ASIC2: variants seen among roughly 807,000 people sequenced by gnomAD.
The protein encoded by ASIC2 is acid-sensing ion channel 2.
ASIC2 carries 25 observed loss-of-function variants against 57.3 expected under a neutral mutation model. The ratio of observed to expected loss-of-function variants is 0.44; its 90% CI spans 0.32 to 0.61. ASIC2 has a LOEUF of 0.61. Ranked by LOEUF, ASIC2 falls within the 20% of genes least tolerant of loss-of-function variation. ASIC2 has a pLI of 0.06. For missense variants in ASIC2, 641 were observed against 738.1 expected, an observed-to-expected ratio of 0.87 and a Z score of 1.52; for synonymous variants, 319 against 307.5, an observed-to-expected ratio of 1.04 and a Z score of -0.39.
At chr17:33,810,863 G>T (rs146688780) in intron 1 of ASIC2, among the ~76,000 whole-genome samples, 43 of 108,090 alleles carry the variant, frequency 4.0e-4, no homozygotes, top group African/African-American at 1.7e-3. Flanking sequence ...AACGAACTAT[G>T]CACACACACA....
intron 1 of ASIC2, among the ~76,000 whole-genome samples, chr17:33,218,326 T>G (rs146505114): frequency 5.3e-5 from 8 of 152,280 alleles, no homozygotes; most frequent in Admixed American, 2.0e-4. Flanking sequence ...GGGCTCGACA[T>G]GTGCTCTCTC....
chr17:33,111,710 T>C (rs1279576292), intron 2 of ASIC2: 4 of 584,844 alleles, frequency 6.8e-6, no homozygotes, highest in Non-Finnish European at 1.1e-5. Flanking sequence ...TCCCATCCTC[T>C]GTCCCTCTCT....
chr17:33,944,111 T>C (rs1277348253), intron 1 of ASIC2, among the ~76,000 whole-genome samples: 2 of 152,228 alleles, frequency 1.3e-5, no homozygotes, highest in Admixed American at 6.5e-5. Context: ...TCACAAGTTC[T>C]GTCTGAAAAC....
chr17:33,979,370 C>T (rs1320531018), intron 1 of ASIC2, among the ~76,000 whole-genome samples: 1 of 152,092 alleles, frequency 6.6e-6, no homozygotes, highest in Non-Finnish European at 1.5e-5. Context: ...GGAGTGAGGC[C>T]GTCAGAAACC....
At chr17:33,462,568 CTGCCGTATGTGGG>C (rs1253624456) in intron 1 of ASIC2, among the ~76,000 whole-genome samples, 2 of 152,248 alleles carry the variant, frequency 1.3e-5, no homozygotes, top group Non-Finnish European at 2.9e-5. Flanking sequence ...CTCACTGCAG[CTGCCGTATGTGGG>C]TGCCACTTTG....
chr17:33,034,617 T>C (rs1598245050), intron 3 of ASIC2, among the ~76,000 whole-genome samples: 1 of 152,226 alleles, frequency 6.6e-6, no homozygotes, highest in Non-Finnish European at 1.5e-5. Context: ...TTGATAAGTG[T>C]TTTCTTCCAG....
intron 1 of ASIC2, among the ~76,000 whole-genome samples, chr17:33,914,396 T>C (rs919589497): frequency 1.3e-5 from 2 of 152,154 alleles, no homozygotes; most frequent in African/African-American, 4.8e-5. Context: ...TGGATGCTGA[T>C]GGTCTGTGGT....
At chr17:33,416,330 C>T (rs1910839495) in intron 1 of ASIC2, among the ~76,000 whole-genome samples, 1 of 152,238 alleles carries the variant, frequency 6.6e-6, no homozygotes, top group East Asian at 1.9e-4. Context: ...TTGCACCATT[C>T]ATCATGGCAG....
chr17:33,211,517 A>G (rs2142088347), intron 1 of ASIC2, among the ~76,000 whole-genome samples: 1 of 150,064 alleles, frequency 6.7e-6, no homozygotes, highest in East Asian at 1.9e-4. Context: ...GATAGGATAA[A>G]GTAAACATCT....
At chr17:33,493,519 GCTTT>G (rs1913826584) in intron 1 of ASIC2, among the ~76,000 whole-genome samples, 1 of 152,014 alleles carries the variant, frequency 6.6e-6, no homozygotes, top group Non-Finnish European at 1.5e-5. Flanking sequence ...AATTTCCCTT[GCTTT>G]CTTTCTCTCA....
At chr17:33,781,859 C>T (rs1223825524) in intron 1 of ASIC2, among the ~76,000 whole-genome samples, 2 of 152,172 alleles carry the variant, frequency 1.3e-5, no homozygotes, top group Non-Finnish European at 2.9e-5. Context: ...ACACCCTGTT[C>T]GTCAGAAATT....
intron 1 of ASIC2, among the ~76,000 whole-genome samples, chr17:33,622,162 A>G (rs184371400): frequency 4.6e-5 from 7 of 152,098 alleles, no homozygotes; most frequent in Admixed American, 3.3e-4. Flanking sequence ...CAAGCAGAGG[A>G]CAATTTTAAC....
chr17:33,317,147 C>T (rs1365604911), intron 1 of ASIC2, among the ~76,000 whole-genome samples: 3 of 152,216 alleles, frequency 2.0e-5, no homozygotes, highest in Non-Finnish European at 4.4e-5. Flanking sequence ...TAATCAAGTC[C>T]TCAAGAAGTT....
chr17:34,047,408 C>G lies in ASIC2; in HGVS notation c.555+108570G>C, dbSNP rs868322201. On this transcript the variant is annotated intron_variant, in intron 1 of 9. Coordinates refer to the ASIC2 transcript ENST00000359872. ...AAACCCCCTTTCATATTTTAACCTCCCAGCCCTTCATCCCTACTTCTAGCC... is the reference window on the plus strand; with the variant it reads ...AAACCCCCTTTCATATTTTAACCTCGCAGCCCTTCATCCCTACTTCTAGCC... Among the ~76,000 whole-genome samples the G allele has an allele frequency of 1.1e-4, 17 of 151,530 alleles. 1 individual carries two copies. The highest frequency in any genetic ancestry group is 3.4e-3 in the Middle Eastern group (1 of 294).
intron 1 of ASIC2, chr17:34,004,122 A>G (rs779483079): frequency 2.0e-5 from 3 of 152,148 alleles, no homozygotes; most frequent in African/African-American, 7.2e-5. Flanking sequence ...TGAGTACTTT[A>G]TCTCTTATCC....
intron 1 of ASIC2, among the ~76,000 whole-genome samples, chr17:33,771,811 C>T (rs1236570644): frequency 6.6e-6 from 1 of 152,178 alleles, no homozygotes; most frequent in African/African-American, 2.4e-5. Context: ...ATGTAGGGAT[C>T]AAATCGTGGT....
chr17:33,137,703 T>A (rs2092371762), intron 1 of ASIC2, among the ~76,000 whole-genome samples: 1 of 152,216 alleles, frequency 6.6e-6, no homozygotes, highest in Non-Finnish European at 1.5e-5. Flanking sequence ...TGGCAGATGT[T>A]CTTGGGCAGA....
At chr17:33,832,089 T>C (rs1326160712) in intron 1 of ASIC2, among the ~76,000 whole-genome samples, 1 of 152,234 alleles carries the variant, frequency 6.6e-6, no homozygotes, top group Admixed American at 6.5e-5. Context: ...TTTCTTATCA[T>C]CACCTCAACT....
At chr17:34,126,245 A>G (rs1232616721) in intron 1 of ASIC2, among the ~76,000 whole-genome samples, 1 of 152,174 alleles carries the variant, frequency 6.6e-6, no homozygotes, top group Non-Finnish European at 1.5e-5. Context: ...GTAAGCAGAA[A>G]GGAAGTTTAT....
Sources: gnomAD v4.1 joint callset for allele counts (sites outside exome capture counted in the v4.1 genomes callset) on GRCh38, gnomAD v4.1.1 for gene constraint, MANE v1.5 for transcripts, NCBI Gene and HGNC (gene_info 2026-07-23, HGNC 2026-07-21) for gene names.